The following MARCHF11 variants were observed in gnomAD, a reference collection of about 807,000 sequenced individuals.
The protein encoded by MARCHF11 is membrane associated ring-CH-type finger 11.
In MARCHF11, 29 loss-of-function variants were observed where a neutral mutation model predicts 37.3. The ratio of observed to expected loss-of-function variants is 0.78; its 90% CI spans 0.58 to 1.06. MARCHF11 has a LOEUF of 1.06. Among genes scored for constraint, MARCHF11 ranks in the 50% least tolerant of loss-of-function variants. The pLI is 0.00. For synonymous variants in MARCHF11, 233 were observed against 228.0 expected (o/e 1.02, Z -0.20); for missense variants, 482 against 533.4 (o/e 0.90, Z 0.95).
At chr5:16,113,691 G>A (rs1737184909) in intron 2 of MARCHF11, among the ~76,000 whole-genome samples, 1 of 151,626 alleles carries the variant, frequency 6.6e-6, no homozygotes, top group African/African-American at 2.4e-5. Flanking sequence ...ATATATATGG[G>A]GCATGTATTT....
intron 2 of MARCHF11, among the ~76,000 whole-genome samples, chr5:16,118,226 C>A: frequency 6.6e-6 from 1 of 152,210 alleles, no homozygotes; most frequent in Admixed American, 6.5e-5. Flanking sequence ...CCGAGTCAGG[C>A]AGAGCCTGTG....
At chr5:16,084,735 G>A (rs2126552200) in intron 3 of MARCHF11, among the ~76,000 whole-genome samples, 1 of 146,758 alleles carries the variant, frequency 6.8e-6, no homozygotes, top group Middle Eastern at 3.5e-3. Flanking sequence ...TGGAGAGCAT[G>A]AACTTTCTGT....
chr5:16,092,042 T>C (rs112292211), intron 2 of MARCHF11, among the ~76,000 whole-genome samples: 387 of 152,222 alleles, frequency 2.5e-3, no homozygotes, highest in African/African-American at 9.0e-3. Context: ...TCTTAAACAG[T>C]TTTTTAAATC....
At chr5:16,151,721 A>G (rs1192958428) in intron 2 of MARCHF11, among the ~76,000 whole-genome samples, 1 of 149,176 alleles carries the variant, frequency 6.7e-6, no homozygotes, top group East Asian at 2.0e-4. Context: ...GATGTCAATC[A>G]GAATTCTTCC....
chr5:16,147,662 T>C (rs1737821763), intron 2 of MARCHF11, among the ~76,000 whole-genome samples: 1 of 146,078 alleles, frequency 6.8e-6, no homozygotes, highest in Non-Finnish European at 1.5e-5. Flanking sequence ...TTCTCAGATA[T>C]GTTGAATGAC....
At chr5:16,142,879 C>G (rs1437912240) in intron 2 of MARCHF11, among the ~76,000 whole-genome samples, 1 of 136,790 alleles carries the variant, frequency 7.3e-6, no homozygotes, top group Admixed American at 7.7e-5. Flanking sequence ...CACCACCACA[C>G]CTGGCTTTTT....
At chr5:16,176,096 A>AT (rs5866175) in intron 2 of MARCHF11, among the ~76,000 whole-genome samples, 42,885 of 146,872 alleles carry the variant, frequency 0.29, 6,125 homozygotes, top group South Asian at 0.41. Context: ...AGTAAATAGT[A>AT]TTTTTTTTTT....
chr5:16,175,885 T>C (rs1271834197), intron 2 of MARCHF11, among the ~76,000 whole-genome samples: 1 of 152,210 alleles, frequency 6.6e-6, no homozygotes, highest in Non-Finnish European at 1.5e-5. Flanking sequence ...CAGATAATAG[T>C]AGTATTTACA....
intron 2 of MARCHF11, among the ~76,000 whole-genome samples, chr5:16,100,692 A>G (rs1319788383): frequency 1.3e-5 from 2 of 152,156 alleles, no homozygotes; most frequent in East Asian, 1.9e-4. Context: ...CAGGAGTTGA[A>G]TCCTGTTTCC....
At chr5:16,151,949 T>A (rs1737897228) in intron 2 of MARCHF11, among the ~76,000 whole-genome samples, 1 of 151,922 alleles carries the variant, frequency 6.6e-6, no homozygotes, top group African/African-American at 2.4e-5. Flanking sequence ...GAAAAAGAAC[T>A]TATACCCATT....
intron 2 of MARCHF11, among the ~76,000 whole-genome samples, chr5:16,135,381 T>C (rs1269261894): frequency 1.3e-5 from 2 of 152,084 alleles, no homozygotes; most frequent in Non-Finnish European, 2.9e-5. Flanking sequence ...TAAAATTAAG[T>C]ACATTATTGA....
At chr5:16,080,132 G>A (rs572961066) in intron 3 of MARCHF11, among the ~76,000 whole-genome samples, 10 of 152,202 alleles carry the variant, frequency 6.6e-5, no homozygotes, top group Non-Finnish European at 1.5e-5. Flanking sequence ...ACTCACCTCT[G>A]AACCCCCTTC....
In MARCHF11 at chr5:16,179,147, C is replaced by T. The variant is rs1380473251; in HGVS notation, c.429G>A (p.Ser143=). The change falls in exon 1 of 4, where the codon TCG becomes TCA. Residue 143 remains serine (S), a synonymous_variant. Transcript: ENST00000332432. ...RGAGDQPETR[S]VCSSRSSSSG... ...TGCTGCTGCTGCGGCTGCTGCACAC[C>T]GAGCGCGTCTCGGGCTGGTCTCCGG... 2.2e-5 allele frequency: 32 copies of T among 1,473,148 alleles called. No homozygotes were observed. Among genetic ancestry groups the T allele is most frequent in the Non-Finnish European group, 2.9e-5 (32 of 1,119,172 alleles). 91.3% of individuals were successfully genotyped at this position (1,473,148 alleles called of 1,614,324 possible).
At chr5:16,074,586 T>C (rs1422159803) in intron 3 of MARCHF11, among the ~76,000 whole-genome samples, 7 of 152,156 alleles carry the variant, frequency 4.6e-5, no homozygotes, top group Non-Finnish European at 1.0e-4. Flanking sequence ...CTGAGAACCA[T>C]GTAAAATTCA....
At position 16,090,952 on chromosome 5, in the gene MARCHF11, T is replaced by G; in HGVS notation, c.823A>C (p.Arg275=). ...SAFSPYAVWQ[R]KDILFQICYG... ...CAGATCTGAAAAAGGATGTCCTTCC[T>G]CTGCCACACTGCATAGGGGCTGAAG... The change falls in exon 3 of 4, where the codon AGG becomes CGG. Residue 275 remains arginine, a synonymous_variant. Coordinates refer to ENST00000332432, the MANE Select transcript of MARCHF11 (RefSeq NM_001102562.3). 1 of 1,611,934 alleles carries G rather than the reference T, an allele frequency of 6.2e-7. No individual in the cohort carries two copies.
At chr5:16,158,661 C>T (rs1738018459) in intron 2 of MARCHF11, among the ~76,000 whole-genome samples, 2 of 151,902 alleles carry the variant, frequency 1.3e-5, no homozygotes, top group Admixed American at 1.3e-4. Flanking sequence ...ATCTATTGTG[C>T]AACATGTTGA....
chr5:16,128,421 C>T (rs1377414798), intron 2 of MARCHF11, among the ~76,000 whole-genome samples: 1 of 152,124 alleles, frequency 6.6e-6, no homozygotes, highest in African/African-American at 2.4e-5. Flanking sequence ...TACTTGTGCA[C>T]AGCTTTGCAA....
At chr5:16,166,335 C>A (rs1738168096) in intron 2 of MARCHF11, among the ~76,000 whole-genome samples, 1 of 151,922 alleles carries the variant, frequency 6.6e-6, no homozygotes, top group Non-Finnish European at 1.5e-5. Flanking sequence ...ATACTGAACC[C>A]CCTCAACAGA....
intron 2 of MARCHF11, among the ~76,000 whole-genome samples, chr5:16,157,387 C>T (rs768803384): frequency 6.6e-6 from 1 of 151,798 alleles, no homozygotes; most frequent in African/African-American, 2.4e-5. Flanking sequence ...ATAGCTAAAG[C>T]AATCCTGAGA....
Sources: gnomAD v4.1 joint callset for allele counts (sites outside exome capture counted in the v4.1 genomes callset) on GRCh38, gnomAD v4.1.1 for gene constraint, MANE v1.5 for transcripts, NCBI Gene and HGNC (gene_info 2026-07-23, HGNC 2026-07-21) for gene names.